Variants in TANC1 observed in about 807,000 individuals in gnomAD.
TANC1 encodes protein TANC1.
A neutral mutation model predicts 149.7 loss-of-function variants in TANC1; 77 were observed. The ratio of observed to expected loss-of-function variants is 0.51; its 90% CI spans 0.43 to 0.62. TANC1 has a LOEUF of 0.62. Ranked by LOEUF, TANC1 falls within the 20% of genes least tolerant of loss-of-function variation. The probability of loss-of-function intolerance (pLI) is 0.00; values close to 1 mark genes in which losing one functional copy is unlikely to be tolerated. For missense variants in TANC1, 1,985 were observed against 2,321.8 expected, an observed-to-expected ratio of 0.85 and a Z score of 2.98; for synonymous variants, 854 against 925.0, an observed-to-expected ratio of 0.92 and a Z score of 1.39.
intron 7 of TANC1, among the ~76,000 whole-genome samples, chr2:159,158,412 G>A (rs947739551): frequency 2.0e-5 from 3 of 152,114 alleles, no homozygotes; most frequent in Non-Finnish European, 4.4e-5. Flanking sequence ...TGGGACTTAG[G>A]GCATTCTGGG....
Position 159,230,979 on chromosome 2 carries a change from A to G in TANC1, c.5553A>G (p.Lys1851=). The change falls in exon 27 of 27, where the codon AAA becomes AAG. Residue 1851 remains lysine (K), a synonymous_variant. Transcript: ENST00000263635. This position sits in a 1 kb window ranked among gnomAD's most constrained non-coding sequence, Gnocchi z 4.4. The part of the protein sequence containing the change: ...EAHRSHLTAA[K]PKRSFIESNV Reference sequence around the variant, plus strand: ...ACAGGAGCCACCTCACTGCAGCCAAACCAAAGCGATCATTTATAGAGTCAA... The same window carrying G: ...ACAGGAGCCACCTCACTGCAGCCAAGCCAAAGCGATCATTTATAGAGTCAA... The G allele has an allele frequency of 6.2e-7, 1 of 1,613,410 alleles. No homozygotes were observed. Among genetic ancestry groups the G allele is most frequent in the Non-Finnish European group, 8.5e-7 (1 of 1,179,802 alleles).
chr2:159,198,923 T>G, intron 18 of TANC1, 52 bp from the exon 19 acceptor site: 10 of 1,320,350 alleles, frequency 7.6e-6, no homozygotes, highest in African/African-American at 1.4e-5. Flanking sequence ...TGGGCTATAA[T>G]AAGCACCTCT....
intron 1 of TANC1, among the ~76,000 whole-genome samples, chr2:158,999,776 C>T (rs2036462886): frequency 6.6e-6 from 1 of 152,182 alleles, no homozygotes; most frequent in Non-Finnish European, 1.5e-5. Flanking sequence ...AAAGTAGGTC[C>T]ACTGTACTCA....
Position 159,187,008 on chromosome 2 carries a change from A to C in TANC1, c.2726A>C (p.Tyr909Ser), listed in dbSNP as rs370089622. 2 of 1,614,098 alleles carry C rather than the reference A, an allele frequency of 1.2e-6. No homozygotes were observed. The highest frequency in any genetic ancestry group is 1.7e-6 in the Non-Finnish European group (2 of 1,180,004). The change falls in exon 16 of 27, where the codon TAT becomes TCT. Residue 909 changes from tyrosine to serine, a missense_variant. Tyr to Ser is a moderately radical substitution (Grantham distance 144, BLOSUM62 -2). Around this residue, in one of 3 missense-constraint regions of TANC1, gnomAD observed 508 missense variants for 714.2 expected, o/e 0.71. Transcript: ENST00000263635. Reference sequence around the variant, plus strand: ...GCCCTGGCCTCTCTCAGGAATCTCTATACTCCCAACGTGAAGGTGAGCAAC... The same window carrying C: ...GCCCTGGCCTCTCTCAGGAATCTCTCTACTCCCAACGTGAAGGTGAGCAAC... The part of the protein sequence containing the change: ...SAALASLRNL[Y>S]TPNVKVSRLL...
At chr2:159,098,091 A>G (rs1206720838) in intron 4 of TANC1, among the ~76,000 whole-genome samples, 4 of 152,004 alleles carry the variant, frequency 2.6e-5, no homozygotes, top group Non-Finnish European at 4.4e-5. Context: ...TTAACCAGCA[A>G]TTTTGTTGTT....
intron 16 of TANC1, among the ~76,000 whole-genome samples, chr2:159,189,227 C>T (rs2057257038): frequency 6.6e-6 from 1 of 152,230 alleles, no homozygotes; most frequent in Non-Finnish European, 1.5e-5. Context: ...CTGTAGGCAC[C>T]TGGGAAGTTT....
chr2:159,205,556 C>T (rs969204387), intron 19 of TANC1, among the ~76,000 whole-genome samples: 3 of 152,220 alleles, frequency 2.0e-5, no homozygotes, highest in South Asian at 4.1e-4. Context: ...CACCGTGTTA[C>T]AGCTGCCTAC....
intron 2 of TANC1, among the ~76,000 whole-genome samples, chr2:159,052,654 G>A (rs1442697921): frequency 6.6e-6 from 1 of 152,182 alleles, no homozygotes; most frequent in Non-Finnish European, 1.5e-5. Flanking sequence ...ACTTGAATGG[G>A]TGGAGAAAAA....
At chr2:159,134,776 C>T (rs1407093729) in intron 4 of TANC1, among the ~76,000 whole-genome samples, 3 of 152,042 alleles carry the variant, frequency 2.0e-5, no homozygotes, top group Non-Finnish European at 4.4e-5. Context: ...AGCCACCGCG[C>T]CTGGCCTCTT....
At chr2:159,054,714 C>T (rs1488499550) in intron 2 of TANC1, among the ~76,000 whole-genome samples, 1 of 152,116 alleles carries the variant, frequency 6.6e-6, no homozygotes, top group Non-Finnish European at 1.5e-5. Flanking sequence ...TGATTGAGTG[C>T]CTTTTAACAC....
chr2:159,141,838 G>C (rs2051405795), intron 5 of TANC1, among the ~76,000 whole-genome samples: 1 of 152,134 alleles, frequency 6.6e-6, no homozygotes, highest in Admixed American at 6.5e-5. Flanking sequence ...GACCACACAA[G>C]ACCACAGTAT....
At chr2:159,198,954 T>C in intron 18 of TANC1, 21 bp from the exon 19 acceptor site, 2 of 1,601,182 alleles carry the variant, frequency 1.2e-6, no homozygotes, top group East Asian at 2.2e-5. Flanking sequence ...ACTCATTAAA[T>C]CACCTTGCCA....
chr2:159,189,274 C>G (rs866386078), intron 16 of TANC1, among the ~76,000 whole-genome samples: 1 of 152,212 alleles, frequency 6.6e-6, no homozygotes, highest in South Asian at 2.1e-4. Flanking sequence ...CAGGAGCTGC[C>G]GACCTTGAGG....
At chr2:159,196,069 C>T (rs1210891333) in intron 17 of TANC1, among the ~76,000 whole-genome samples, 1 of 152,232 alleles carries the variant, frequency 6.6e-6, no homozygotes, top group Admixed American at 6.5e-5. Context: ...CCAGCATGCC[C>T]AGGCCACCGG....
In TANC1 at chr2:159,190,498, G is replaced by A. The variant is rs12617786; in HGVS notation, c.2742+3474G>A. ...TTCAGCATAATCTGATTCTGTCCAC[G>A]CTGTTACTCAAAGGGATTTTTAAAA... On this transcript the variant is annotated intron_variant, in intron 16 of 26. Transcript: ENST00000263635. Among the ~76,000 whole-genome samples, 5,546 of 152,066 alleles carry A rather than the reference G, an allele frequency of 0.036. 623 individuals carry two copies. In the East Asian group the frequency reaches 0.44, roughly 12 times the overall value.
At chr2:159,071,390 T>TA (rs35389226) in intron 3 of TANC1, among the ~76,000 whole-genome samples, 15 of 140,616 alleles carry the variant, frequency 1.1e-4, no homozygotes, top group African/African-American at 1.7e-4. Context: ...AGCAACTTGT[T>TA]AAAAAAAAAT....
Position 159,156,805 on chromosome 2 carries a change from T to G in TANC1, c.682+6249T>G, listed in dbSNP as rs143070372. 5.4e-5 allele frequency among the ~76,000 whole-genome samples: 8 copies of G among 149,396 alleles called. No individual in the cohort carries two copies. In the South Asian group the frequency reaches 6.5e-4, roughly 12 times the overall value. ...TGTGCTTTTTCTGGAAAATGTCATG[T>G]TATTTAAGTCCTTAGACTTGTCTCT... On this transcript the variant is annotated intron_variant, in intron 7 of 26. Transcript: ENST00000263635.
intron 22 of TANC1, among the ~76,000 whole-genome samples, chr2:159,221,159 G>A (rs909371811): frequency 6.6e-6 from 1 of 152,042 alleles, no homozygotes; most frequent in Admixed American, 6.6e-5. Context: ...GAGATTAAGC[G>A]AACTTGAGGT....
At chr2:159,174,579 G>A (rs574211694) in intron 11 of TANC1, among the ~76,000 whole-genome samples, 4 of 152,256 alleles carry the variant, frequency 2.6e-5, no homozygotes, top group South Asian at 2.1e-4. Flanking sequence ...CTGCTCTTGA[G>A]AACAGAAACC....
Sources: allele counts gnomAD v4.1 joint callset (sites outside exome capture counted in the v4.1 genomes callset), GRCh38; gene constraint gnomAD v4.1.1; regional missense constraint gnomAD v4.1.1; non-coding constraint Gnocchi (gnomAD v3.1); transcripts MANE v1.5; gene names NCBI Gene and HGNC (gene_info 2026-07-23, HGNC 2026-07-21).